KPNA1: variants seen among roughly 807,000 people sequenced by gnomAD.
KPNA1 encodes importin subunit alpha-5.
In KPNA1, 10 loss-of-function variants were observed where a neutral mutation model predicts 70.5. The observed-to-expected ratio is 0.14, with a 90% CI of 0.09 to 0.24. The LOEUF is 0.24. Ranked by LOEUF, KPNA1 falls within the 10% of genes least tolerant of loss-of-function variation. KPNA1 has a pLI of 1.00. For missense variants in KPNA1, 397 were observed against 637.9 expected, an observed-to-expected ratio of 0.62 and a Z score of 4.07; for synonymous variants, 192 against 221.9, an observed-to-expected ratio of 0.87 and a Z score of 1.20.
intron 12 of KPNA1, among the ~76,000 whole-genome samples, chr3:122,431,280 C>T (rs2075902697): frequency 6.6e-6 from 1 of 152,126 alleles, no homozygotes. Context: ...ATTTTCCCAC[C>T]TCAGCCTCCC....
rs181902679 is a variant in KPNA1 at position 122,507,892 on chromosome 3, T to C, written c.-6+6865A>G. Among the ~76,000 whole-genome samples the C allele has an allele frequency of 1.2e-3, 182 of 152,278 alleles. 1 individual carries two copies. Among genetic ancestry groups the C allele is most frequent in the African/African-American group, 4.1e-3 (172 of 41,572 alleles). ...TTAATGAATTTAATAACCACTGTAATATATCTGTTTTAAGAACACTTATGA... is the reference window on the plus strand; with the variant it reads ...TTAATGAATTTAATAACCACTGTAACATATCTGTTTTAAGAACACTTATGA... On this transcript the variant is annotated intron_variant, in intron 1 of 13. Coordinates refer to ENST00000344337, the MANE Select transcript of KPNA1 (RefSeq NM_002264.4).
chr3:122,426,758 A>T lies in KPNA1; in HGVS notation c.*227T>A, dbSNP rs2107712135. 1 of 426,458 alleles carries T rather than the reference A, an allele frequency of 2.3e-6. No individual in the cohort carries two copies. Among genetic ancestry groups the T allele is most frequent in the East Asian group, 3.5e-5 (1 of 28,450 alleles). 26.4% of individuals were successfully genotyped at this position (426,458 alleles called of 1,614,324 possible). A position where few individuals can be genotyped will look rare whatever the true frequency, so the allele number is the denominator to read the frequency against. ...AAGCCTAGGGATTTTTCCGTAAAAGAGAGTGGGCCGTTCTGGTTACCCTTT... is the reference window on the plus strand; with the variant it reads ...AAGCCTAGGGATTTTTCCGTAAAAGTGAGTGGGCCGTTCTGGTTACCCTTT... On this transcript the variant is annotated 3_prime_UTR_variant, in exon 14 of 14. Coordinates refer to ENST00000344337, the MANE Select transcript of KPNA1 (RefSeq NM_002264.4).
chr3:122,466,039 T>C (rs911298649), intron 3 of KPNA1, among the ~76,000 whole-genome samples: 19 of 152,260 alleles, frequency 1.2e-4, no homozygotes, highest in Middle Eastern at 3.4e-3. Context: ...CACTCTCTTC[T>C]TAAAAAAATT....
intron 1 of KPNA1, among the ~76,000 whole-genome samples, chr3:122,506,754 T>C (rs1242581867): frequency 6.6e-6 from 1 of 152,216 alleles, no homozygotes; most frequent in Non-Finnish European, 1.5e-5. Flanking sequence ...AGGTTTATCA[T>C]AACCTTTGCC....
intron 11 of KPNA1, among the ~76,000 whole-genome samples, chr3:122,436,944 A>AT (rs1234097268): frequency 2.6e-5 from 4 of 152,116 alleles, no homozygotes; most frequent in Middle Eastern, 3.4e-3. Flanking sequence ...CGACTGGCTA[A>AT]TTTTTTTGTA....
At chr3:122,434,962 C>T (rs2075965172) in intron 11 of KPNA1, among the ~76,000 whole-genome samples, 1 of 152,134 alleles carries the variant, frequency 6.6e-6, no homozygotes, top group Admixed American at 6.5e-5. Flanking sequence ...AAAATGCTTT[C>T]CTGGTCAAAA....
intron 1 of KPNA1, among the ~76,000 whole-genome samples, chr3:122,512,211 G>GT (rs200192596): frequency 8.8e-5 from 13 of 147,086 alleles, no homozygotes; most frequent in African/African-American, 3.2e-4. Context: ...CCAATCATTA[G>GT]TTTAAAAAAA....
intron 2 of KPNA1, among the ~76,000 whole-genome samples, chr3:122,486,612 G>C (rs1247959016): frequency 6.6e-6 from 1 of 151,762 alleles, no homozygotes; most frequent in Non-Finnish European, 1.5e-5. Context: ...TTTTGAGACG[G>C]AGTCTCGCTC....
rs114364518 is a variant in KPNA1, at chr3:122,444,134, C to T, written c.918-2018G>A. ...TTCCTTGCTGAGAAAAAGAACTGAG[C>T]GCTATTTCTCCTATTCGCTTTTGCA... On this transcript the variant is annotated intron_variant, in intron 9 of 13. Coordinates refer to ENST00000344337, the MANE Select transcript of KPNA1 (RefSeq NM_002264.4). 2.9e-3 allele frequency among the ~76,000 whole-genome samples: 440 copies of T among 152,044 alleles called. 1 individual carries two copies. Among genetic ancestry groups the T allele is most frequent in the African/African-American group, 9.9e-3 (411 of 41,558 alleles).
chr3:122,502,699 A>T (rs919490864), intron 1 of KPNA1, among the ~76,000 whole-genome samples: 1 of 152,230 alleles, frequency 6.6e-6, no homozygotes, highest in African/African-American at 2.4e-5. Context: ...ATTCCAAGGG[A>T]ATCATATTTA....
chr3:122,457,212 T>A (rs2076274097), intron 5 of KPNA1, among the ~76,000 whole-genome samples: 1 of 152,262 alleles, frequency 6.6e-6, no homozygotes. Context: ...ATTTGCCATC[T>A]ATTTTTTTGT....
At chr3:122,499,116 T>G (rs1341336524) in intron 1 of KPNA1, among the ~76,000 whole-genome samples, 1 of 144,988 alleles carries the variant, frequency 6.9e-6, no homozygotes, top group African/African-American at 2.5e-5. Flanking sequence ...AATGCTTTAT[T>G]TGATACACAT....
chr3:122,498,311 A>AC (rs1030895344), intron 1 of KPNA1, among the ~76,000 whole-genome samples: 35 of 152,134 alleles, frequency 2.3e-4, no homozygotes, highest in African/African-American at 6.3e-4. Flanking sequence ...TTAAAAAGAG[A>AC]CCCCCCAAAG....
chr3:122,439,980 G>A (rs750985885), intron 10 of KPNA1, among the ~76,000 whole-genome samples: 2 of 152,156 alleles, frequency 1.3e-5, no homozygotes, highest in Non-Finnish European at 2.9e-5. Context: ...TGAGACAAAC[G>A]TGAGATATGC....
chr3:122,484,398 C>T (rs755502614), intron 2 of KPNA1, among the ~76,000 whole-genome samples: 1 of 152,122 alleles, frequency 6.6e-6, no homozygotes, highest in Non-Finnish European at 1.5e-5. Context: ...CAGTGGCTCA[C>T]GCCTGTAATT....
chr3:122,454,293 A>G (rs1252413132), intron 5 of KPNA1, among the ~76,000 whole-genome samples: 1 of 152,248 alleles, frequency 6.6e-6, no homozygotes, highest in Non-Finnish European at 1.5e-5. Context: ...CCAAGATATA[A>G]ATGAAAACAA....
intron 2 of KPNA1, among the ~76,000 whole-genome samples, chr3:122,483,544 C>A (rs2076595548): frequency 6.6e-6 from 1 of 152,156 alleles, no homozygotes; most frequent in African/African-American, 2.4e-5. Flanking sequence ...GGGGCTTCAA[C>A]ATATTGGCCA....
At chr3:122,496,346 A>ACACACACACACACCCCAACTTG in intron 2 of KPNA1, 91 bp downstream of exon 2, 1 of 1,180,368 alleles carries the variant, frequency 8.5e-7, no homozygotes, top group Non-Finnish European at 1.2e-6. Flanking sequence ...ACACACACAC[A>ACACACACACACACCCCAACTTG]CACCCCAACT....
chr3:122,468,760 T>C lies in KPNA1; in HGVS notation c.130-1331A>G, dbSNP rs75357452. Reference sequence around the variant, plus strand: ...AATGTAAGGAGAGAGATGGAAATTCTAAAAAAGAACTAAAAAGAAATGCAA... The same window carrying C: ...AATGTAAGGAGAGAGATGGAAATTCCAAAAAAGAACTAAAAAGAAATGCAA... On this transcript the variant is annotated intron_variant, in intron 2 of 13. Transcript: ENST00000344337. Among the ~76,000 whole-genome samples the C allele has an allele frequency of 6.7e-3, 1,015 of 152,234 alleles. 5 individuals are homozygous for C. Among genetic ancestry groups the C allele is most frequent in the African/African-American group, 0.023 (972 of 41,550 alleles).
Sources: allele counts gnomAD v4.1 joint callset (sites outside exome capture counted in the v4.1 genomes callset), GRCh38; gene constraint gnomAD v4.1.1; transcripts MANE v1.5; gene names NCBI Gene and HGNC (gene_info 2026-07-23, HGNC 2026-07-21).